Variants in VPS13B observed in about 807,000 individuals in gnomAD.
The protein encoded by VPS13B is intermembrane lipid transfer protein VPS13B.
In VPS13B, 285 loss-of-function variants were observed where a neutral mutation model predicts 426.4. The ratio of observed to expected loss-of-function variants is 0.67; its 90% CI spans 0.61 to 0.74. The LOEUF is 0.74. VPS13B is among the 30% of genes least tolerant of loss of function. VPS13B has a pLI of 0.00. For synonymous variants in VPS13B, 1,676 were observed against 1,676.4 expected (o/e 1.00, Z 0.01); for missense variants, 4,537 against 4,782.6 (o/e 0.95, Z 1.51).
At chr8:99,709,527 T>C (rs1832628416) in intron 36 of VPS13B, among the ~76,000 whole-genome samples, 1 of 152,242 alleles carries the variant, frequency 6.6e-6, no homozygotes, top group South Asian at 2.1e-4. Flanking sequence ...TGGTTCTGTT[T>C]ATCGTACCAG....
chr8:99,589,654 C>T (rs933248880), intron 33 of VPS13B, among the ~76,000 whole-genome samples: 7 of 151,688 alleles, frequency 4.6e-5, no homozygotes, highest in African/African-American at 1.2e-4. Context: ...CGAATAGTGC[C>T]GCTATAAACA....
chr8:99,421,089 T>A (rs1358749958), intron 21 of VPS13B, among the ~76,000 whole-genome samples: 1 of 152,210 alleles, frequency 6.6e-6, no homozygotes, highest in Non-Finnish European at 1.5e-5. Context: ...ACACTTAGAT[T>A]AAATTCATTT....
intron 3 of VPS13B, among the ~76,000 whole-genome samples, chr8:99,088,336 G>A (rs1158446325): frequency 1.3e-5 from 2 of 151,970 alleles, no homozygotes; most frequent in African/African-American, 4.8e-5. Context: ...TTTCTGTTCT[G>A]AAATTTGCAG....
intron 17 of VPS13B, among the ~76,000 whole-genome samples, chr8:99,194,436 G>T (rs545577045): frequency 1.1e-3 from 160 of 152,068 alleles, no homozygotes; most frequent in African/African-American, 3.7e-3. Flanking sequence ...TTCCGCCTAC[G>T]TTTGGTAACC....
At chr8:99,109,548 A>G (rs1165633573) in intron 5 of VPS13B, among the ~76,000 whole-genome samples, 2 of 151,920 alleles carry the variant, frequency 1.3e-5, no homozygotes, top group Admixed American at 6.6e-5. Flanking sequence ...ACACCCAGCT[A>G]ATTGTTGTAT....
chr8:99,401,955 A>G (rs3110410), intron 21 of VPS13B, among the ~76,000 whole-genome samples: 71,267 of 152,018 alleles, frequency 0.47, 19,237 homozygotes, highest in African/African-American at 0.74. Flanking sequence ...GGCTAGTCTC[A>G]AACTCCTGGA....
intron 19 of VPS13B, among the ~76,000 whole-genome samples, chr8:99,322,293 G>A (rs576894829): frequency 7.4e-4 from 112 of 152,248 alleles, no homozygotes; most frequent in Non-Finnish European, 1.2e-3. Context: ...AATGTATTCA[G>A]TTAGTAAGAT....
At chr8:99,737,562 T>C (rs1047489260) in intron 39 of VPS13B, among the ~76,000 whole-genome samples, 2 of 152,222 alleles carry the variant, frequency 1.3e-5, no homozygotes, top group Non-Finnish European at 2.9e-5. Flanking sequence ...TCTTATAAAA[T>C]AGTTTTCTAA....
chr8:99,284,465 A>G (rs571227428), intron 19 of VPS13B, among the ~76,000 whole-genome samples: 2 of 152,234 alleles, frequency 1.3e-5, no homozygotes, highest in Admixed American at 6.5e-5. Flanking sequence ...AGCTGAATAA[A>G]TGAATGATAT....
At chr8:99,669,110 A>G (rs1293863093) in intron 35 of VPS13B, among the ~76,000 whole-genome samples, 1 of 152,182 alleles carries the variant, frequency 6.6e-6, no homozygotes, top group Non-Finnish European at 1.5e-5. Context: ...ATTAGATCAG[A>G]TACGTCTTAT....
At chr8:99,021,316 AT>A (rs1287468189) in intron 2 of VPS13B, among the ~76,000 whole-genome samples, 1 of 152,100 alleles carries the variant, frequency 6.6e-6, no homozygotes, top group Non-Finnish European at 1.5e-5. Context: ...TTACTTTTTA[AT>A]TTTTTGAGCC....
intron 17 of VPS13B, among the ~76,000 whole-genome samples, chr8:99,264,215 T>G (rs1236179769): frequency 2.0e-5 from 3 of 152,006 alleles, no homozygotes; most frequent in African/African-American, 7.2e-5. Context: ...GGAGTCTTTT[T>G]TTTTTTAATG....
intron 19 of VPS13B, among the ~76,000 whole-genome samples, chr8:99,306,241 T>G (rs1361261543): frequency 6.6e-6 from 1 of 151,994 alleles, no homozygotes; most frequent in Non-Finnish European, 1.5e-5. Context: ...GGAGTTTCCC[T>G]GAGAGTGGGC....
chr8:99,785,974 G>T (rs569381195), intron 43 of VPS13B, among the ~76,000 whole-genome samples: 4 of 152,272 alleles, frequency 2.6e-5, no homozygotes, highest in African/African-American at 9.6e-5. Flanking sequence ...GGCCTTAGCC[G>T]GTAGAAAGCA....
intron 17 of VPS13B, among the ~76,000 whole-genome samples, chr8:99,241,653 CA>C (rs781162138): frequency 9.9e-5 from 15 of 151,870 alleles, no homozygotes; most frequent in Middle Eastern, 3.2e-3. Flanking sequence ...ATTTTAAAAC[CA>C]ATATAAAAAT....
At chr8:99,200,699 A>T (rs769022212) in intron 17 of VPS13B, among the ~76,000 whole-genome samples, 1 of 152,048 alleles carries the variant, frequency 6.6e-6, no homozygotes, top group Non-Finnish European at 1.5e-5. Flanking sequence ...TATCTCTTCT[A>T]TGGAGAAATT....
chr8:99,395,414 G>A (rs1446621363), intron 21 of VPS13B, among the ~76,000 whole-genome samples: 1 of 152,146 alleles, frequency 6.6e-6, no homozygotes, highest in Non-Finnish European at 1.5e-5. Flanking sequence ...ACACAGGGTG[G>A]AAGGCATTGA....
chr8:99,816,092 T>TTC (rs570168760), intron 44 of VPS13B, among the ~76,000 whole-genome samples: 8 of 151,430 alleles, frequency 5.3e-5, no homozygotes, highest in East Asian at 3.9e-4. Flanking sequence ...CCCATTTGTT[T>TTC]TCTCTCTCTC....
At chr8:99,178,881 C>G (rs1370318432) in intron 16 of VPS13B, among the ~76,000 whole-genome samples, 2 of 152,118 alleles carry the variant, frequency 1.3e-5, no homozygotes, top group African/African-American at 4.8e-5. Flanking sequence ...CTCGGCCTCC[C>G]AAAGTGCAGG....
Sources: gnomAD v4.1 joint callset for allele counts (sites outside exome capture counted in the v4.1 genomes callset) on GRCh38, gnomAD v4.1.1 for gene constraint, MANE v1.5 for transcripts, NCBI Gene and HGNC (gene_info 2026-07-23, HGNC 2026-07-21) for gene names.